NPAS2: variants seen among roughly 807,000 people sequenced by gnomAD.
NPAS2 encodes neuronal PAS domain protein 2.
In NPAS2, 23 loss-of-function variants were observed where a neutral mutation model predicts 107.5. The observed-to-expected ratio is 0.21, with a 90% CI of 0.15 to 0.30. NPAS2 has a LOEUF of 0.30. Among genes scored for constraint, NPAS2 ranks in the 10% least tolerant of loss-of-function variants. The pLI is 1.00. For synonymous variants in NPAS2, 403 were observed against 417.5 expected, an observed-to-expected ratio of 0.97 and a Z score of 0.42; for missense variants, 756 against 1,043.3, an observed-to-expected ratio of 0.72 and a Z score of 3.79.
intron 1 of NPAS2, among the ~76,000 whole-genome samples, chr2:100,858,082 A>T (rs1485726083): frequency 6.6e-6 from 1 of 152,236 alleles, no homozygotes; most frequent in Non-Finnish European, 1.5e-5. Context: ...TTTGCATGAT[A>T]GTCCTAGACA....
At chr2:100,880,090 T>G (rs1680238008) in intron 1 of NPAS2, among the ~76,000 whole-genome samples, 1 of 152,226 alleles carries the variant, frequency 6.6e-6, no homozygotes, top group Non-Finnish European at 1.5e-5. Flanking sequence ...TGGCTTTAAT[T>G]TAAAAGAATT....
At chr2:100,964,837 T>C in intron 8 of NPAS2, 24 bp from the exon 9 acceptor site, 2 of 1,551,666 alleles carry the variant, frequency 1.3e-6, no homozygotes, top group Non-Finnish European at 1.7e-6. Context: ...AGCAACTTTT[T>C]TTTTTTTTCT....
At chr2:100,915,311 A>T (rs1682812294) in intron 2 of NPAS2, among the ~76,000 whole-genome samples, 1 of 152,132 alleles carries the variant, frequency 6.6e-6, no homozygotes, top group Admixed American at 6.5e-5. Flanking sequence ...GAAAGCGCAG[A>T]TGTAGGTAGT....
chr2:100,838,887 T>C (rs1677227946), intron 1 of NPAS2, among the ~76,000 whole-genome samples: 1 of 152,096 alleles, frequency 6.6e-6, no homozygotes, highest in Non-Finnish European at 1.5e-5. Flanking sequence ...TAGAAATATA[T>C]ATTAAATATA....
chr2:100,855,028 A>G (rs1197053080), intron 1 of NPAS2, among the ~76,000 whole-genome samples: 1 of 152,222 alleles, frequency 6.6e-6, no homozygotes, highest in African/African-American at 2.4e-5. Flanking sequence ...CATTTTGTGT[A>G]TGTTAGGTGA....
Position 100,993,401 on chromosome 2 carries a change from C to T in NPAS2, c.2166C>T (p.Ser722=), listed in dbSNP as rs927775532. 3 of 1,611,916 alleles carry T rather than the reference C, an allele frequency of 1.9e-6. No individual in the cohort carries two copies. Among genetic ancestry groups the T allele is most frequent in the Non-Finnish European group, 2.5e-6 (3 of 1,178,458 alleles). ...ATCCAGACGCACACCCCGCCAACAG[C>T]AGCAGCGCCCCGATGCCCGTCCTGC... is the stretch of plus-strand genomic sequence containing the variant. ...FQNPDAHPAN[S]SSAPMPVLLM... is the part of the protein sequence containing the mutation. The change falls in exon 20 of 21, where the codon AGC becomes AGT. Residue 722 remains serine (S), a synonymous_variant. Coordinates refer to ENST00000335681, the MANE Select transcript of NPAS2 (RefSeq NM_002518.4).
At chr2:100,927,459 A>T (rs888004108) in intron 3 of NPAS2, among the ~76,000 whole-genome samples, 1 of 152,240 alleles carries the variant, frequency 6.6e-6, no homozygotes, top group Non-Finnish European at 1.5e-5. Context: ...AATTATCACA[A>T]AGCAGACACA....
At chr2:100,912,508 T>C (rs1682623077) in intron 2 of NPAS2, among the ~76,000 whole-genome samples, 1 of 152,220 alleles carries the variant, frequency 6.6e-6, no homozygotes, top group South Asian at 2.1e-4. Flanking sequence ...ATTTTGCTCA[T>C]GGATCTTTGA....
At chr2:100,980,626 C>T (rs1361805278) in intron 15 of NPAS2, among the ~76,000 whole-genome samples, 12 of 152,058 alleles carry the variant, frequency 7.9e-5, no homozygotes, top group African/African-American at 2.7e-4. Context: ...CCCACCACCA[C>T]GCCTGGCTAA....
chr2:100,970,202 G>A (rs868753481), intron 11 of NPAS2, among the ~76,000 whole-genome samples: 1 of 152,096 alleles, frequency 6.6e-6, no homozygotes, highest in Non-Finnish European at 1.5e-5. Context: ...TCTGCCCAAG[G>A]GCCCCCTACC....
intron 1 of NPAS2, among the ~76,000 whole-genome samples, chr2:100,873,299 T>C (rs1485716070): frequency 2.0e-3 from 90 of 44,944 alleles, no homozygotes; most frequent in African/African-American, 6.2e-3. Context: ...TATATATATA[T>C]ATATATATAC....
chr2:100,885,138 G>A (rs1680615439), intron 1 of NPAS2, among the ~76,000 whole-genome samples: 5 of 152,090 alleles, frequency 3.3e-5, no homozygotes, highest in African/African-American at 1.2e-4. Context: ...TTTTAGTAGA[G>A]ATGGGGTTTC....
At chr2:100,878,572 G>T (rs1282191528) in intron 1 of NPAS2, 1 of 985,206 alleles carries the variant, frequency 1.0e-6, no homozygotes, top group African/African-American at 1.7e-5. Context: ...TGAAATGGCC[G>T]TGTGTGGTAC....
At position 100,935,985 on chromosome 2, in the gene NPAS2, T is replaced by TCA. The variant is rs1479119075; in HGVS notation, c.274-1767_274-1766insAC. Among the ~76,000 whole-genome samples, 15 of 152,286 alleles carry TCA rather than the reference T, an allele frequency of 9.8e-5. No individual in the cohort carries two copies. The East Asian group carries it at 2.9e-3, about 29-fold the overall frequency. On this transcript the variant is annotated intron_variant, in intron 4 of 20. Coordinates refer to ENST00000335681, the MANE Select transcript of NPAS2 (RefSeq NM_002518.4). The stretch of plus-strand genomic sequence containing the variant: ...AGCACTAGATGCCAAAGTCACCCAC[T>TCA]CCAGTGGTGACAATCAAAAATGCCT...
intron 1 of NPAS2, among the ~76,000 whole-genome samples, chr2:100,847,397 T>C (rs1027546378): frequency 6.6e-6 from 1 of 151,686 alleles, no homozygotes; most frequent in Non-Finnish European, 1.5e-5. Context: ...TGAGACGGAG[T>C]CTCGCTCTTT....
intron 2 of NPAS2, among the ~76,000 whole-genome samples, chr2:100,910,754 C>T (rs999156385): frequency 4.6e-5 from 7 of 152,160 alleles, no homozygotes; most frequent in African/African-American, 1.7e-4. Context: ...TCTTGAACTC[C>T]TGACCTCAAG....
At chr2:100,845,173 A>G (rs1265507807) in intron 1 of NPAS2, among the ~76,000 whole-genome samples, 1 of 152,156 alleles carries the variant, frequency 6.6e-6, no homozygotes, top group Non-Finnish European at 1.5e-5. Context: ...GGTTGGTTCT[A>G]AGTTGGAAGC....
chr2:100,977,655 C>T (rs1159364744), intron 14 of NPAS2, 55 bp from the exon 15 acceptor site: 10 of 1,479,908 alleles, frequency 6.8e-6, no homozygotes, highest in Non-Finnish European at 9.5e-6. Flanking sequence ...AGACCACATC[C>T]CTGTCCCCTG....
rs1321174486 is a variant in NPAS2, at chr2:100,820,313, G to T, written c.-124G>T. On this transcript the variant is annotated 5_prime_UTR_variant, in exon 1 of 21. Coordinates refer to ENST00000335681, the MANE Select transcript of NPAS2 (RefSeq NM_002518.4). The surrounding 1 kb of genome is among the most constrained non-coding windows in gnomAD (Gnocchi z 5.6). ...TCCCGCCGCCGCCCGGGAGGAGCTC[G>T]CCGCGCCCGCTCGCCGCCTCGTCTC... 1.4e-5 allele frequency: 2 copies of T among 145,188 alleles called. No homozygotes were observed. Among genetic ancestry groups the T allele is most frequent in the East Asian group, 4.3e-4 (2 of 4,694 alleles). 9.0% of individuals were successfully genotyped at this position (145,188 alleles called of 1,614,324 possible). A position where few individuals can be genotyped will look rare whatever the true frequency, so the allele number is the denominator to read the frequency against.
Sources: allele counts gnomAD v4.1 joint callset (sites outside exome capture counted in the v4.1 genomes callset), GRCh38; gene constraint gnomAD v4.1.1; non-coding constraint Gnocchi (gnomAD v3.1); transcripts MANE v1.5; gene names NCBI Gene and HGNC (gene_info 2026-07-23, HGNC 2026-07-21).